Variants in CAST observed in about 807,000 individuals in gnomAD.
CAST encodes calpastatin, also known as MIR583 host.
CAST carries 76 observed loss-of-function variants against 119.6 expected under a neutral mutation model. The observed-to-expected ratio is 0.64, with a 90% confidence interval of 0.53 to 0.77. The LOEUF (loss-of-function observed/expected upper bound fraction) is 0.77. CAST is among the 30% of genes least tolerant of loss of function. The pLI, the probability that CAST is intolerant of heterozygous loss-of-function variation, is 0.00. For synonymous variants in CAST, 319 were observed against 331.6 expected (o/e 0.96, Z 0.41); for missense variants, 953 against 946.5 (o/e 1.01, Z -0.09).
At chr5:96,301,485 A>G in the CAST span, among the ~76,000 whole-genome samples, 1 of 152,116 alleles carries the variant, frequency 6.6e-6, no homozygotes, top group East Asian at 1.9e-4. Context: ...CCAAAAGTCC[A>G]AGTCCAAAGT....
chr5:96,729,538 G>C lies in CAST; in HGVS notation c.436-74G>C. 3 of 726,552 alleles carry C rather than the reference G, an allele frequency of 4.1e-6. No individual in the cohort carries two copies. In the South Asian group the frequency reaches 4.5e-5, roughly 11 times the overall value. 45.0% of individuals were successfully genotyped at this position (726,552 alleles called of 1,614,324 possible). A position where few individuals can be genotyped will look rare whatever the true frequency, so the allele number is the denominator to read the frequency against. On this transcript the variant is annotated intron_variant, in intron 7 of 31. Transcript: ENST00000675179. ...TTTTATTCTATAGAGAAAAGTATCA[G>C]TATTATGTTTAAGACTACCATCTTG...
intron 1 of CAST, among the ~76,000 whole-genome samples, chr5:96,603,876 G>A (rs1207757199): frequency 6.9e-6 from 1 of 145,710 alleles, no homozygotes; most frequent in Non-Finnish European, 1.5e-5. Flanking sequence ...CAATCCTTCC[G>A]TCTCAGCCTC....
chr5:96,482,957 T>C, the CAST span, among the ~76,000 whole-genome samples: 2 of 152,142 alleles, frequency 1.3e-5, no homozygotes, highest in African/African-American at 4.8e-5. Flanking sequence ...CCTTGGAAAA[T>C]ACATCAATCA....
chr5:96,262,071 G>T, the CAST span, among the ~76,000 whole-genome samples: 1 of 152,186 alleles, frequency 6.6e-6, no homozygotes, highest in Non-Finnish European at 1.5e-5. Context: ...TGATTCTAAA[G>T]CCTGCACTTG....
At chr5:96,134,175 A>G in the CAST span, among the ~76,000 whole-genome samples, 26 of 152,354 alleles carry the variant, frequency 1.7e-4, no homozygotes, top group South Asian at 5.4e-3. Context: ...AGGTTACCCC[A>G]AATGTGCTCA....
chr5:96,452,976 A>AAAAAG, the CAST span, among the ~76,000 whole-genome samples: 3 of 142,346 alleles, frequency 2.1e-5, no homozygotes, highest in African/African-American at 8.8e-5. Flanking sequence ...AAAAAAAAAA[A>AAAAAG]CAGAAGAAAG....
chr5:96,533,477 G>A (rs923412583), intron 1 of CAST, among the ~76,000 whole-genome samples: 6 of 152,096 alleles, frequency 3.9e-5, no homozygotes, highest in African/African-American at 1.4e-4. Context: ...TAAAATCAAA[G>A]CTATTTTATA....
chr5:96,674,783 A>C (rs1189875503), intron 1 of CAST, among the ~76,000 whole-genome samples: 1 of 152,206 alleles, frequency 6.6e-6, no homozygotes, highest in Non-Finnish European at 1.5e-5. Context: ...AATGTATTAT[A>C]TACTTCAAAA....
At chr5:96,343,859 C>T in the CAST span, among the ~76,000 whole-genome samples, 1 of 152,184 alleles carries the variant, frequency 6.6e-6, no homozygotes, top group Non-Finnish European at 1.5e-5. Context: ...TCCTGCTCTA[C>T]TGCACTATAT....
intron 10 of CAST, among the ~76,000 whole-genome samples, chr5:96,736,483 C>G (rs2150489006): frequency 6.6e-6 from 1 of 152,080 alleles, no homozygotes; most frequent in South Asian, 2.1e-4. Flanking sequence ...CAGTTTCATC[C>G]CATGGAGTTT....
chr5:96,064,992 C>G, the CAST span, among the ~76,000 whole-genome samples: 1 of 152,066 alleles, frequency 6.6e-6, no homozygotes, highest in African/African-American at 2.4e-5. Context: ...TTGGTAATGG[C>G]TATGTATTTG....
the CAST span, among the ~76,000 whole-genome samples, chr5:96,110,151 A>G: frequency 0.019 from 2,819 of 152,256 alleles, 38 homozygotes; most frequent in Middle Eastern, 0.068. Flanking sequence ...CCAAATAAAT[A>G]CTGTTCAAGA....
intron 2 of CAST, among the ~76,000 whole-genome samples, chr5:96,695,217 T>C (rs930594560): frequency 6.6e-6 from 1 of 152,226 alleles, no homozygotes; most frequent in Non-Finnish European, 1.5e-5. Context: ...TTGTTACTCA[T>C]GGTATTTAAA....
At chr5:96,643,867 A>T (rs155048) in intron 1 of CAST, among the ~76,000 whole-genome samples, 26 of 151,716 alleles carry the variant, frequency 1.7e-4, no homozygotes, top group African/African-American at 6.3e-4. Flanking sequence ...GCGAGACTTC[A>T]TCTCAAAAAA....
chr5:96,411,119 G>A, the CAST span: 1 of 758,408 alleles, frequency 1.3e-6, no homozygotes, highest in South Asian at 1.5e-5. Flanking sequence ...TTCAATTCCA[G>A]ATCTTTTGGC....
the CAST span, among the ~76,000 whole-genome samples, chr5:96,332,362 A>G: frequency 1.3e-5 from 2 of 151,650 alleles, no homozygotes; most frequent in East Asian, 3.9e-4. Flanking sequence ...GCTGTTGTGT[A>G]TCACCTTCAT....
intron 25 of CAST, among the ~76,000 whole-genome samples, chr5:96,764,718 G>A (rs541782429): frequency 8.8e-4 from 134 of 152,330 alleles, no homozygotes; most frequent in Non-Finnish European, 1.4e-3. Context: ...TAGAGTTTTA[G>A]AGAGGACCCA....
chr5:96,280,886 G>C, the CAST span, among the ~76,000 whole-genome samples: 8 of 151,678 alleles, frequency 5.3e-5, no homozygotes, highest in African/African-American at 1.9e-4. Flanking sequence ...AATCCTTTCA[G>C]TCCCTCCTGT....
At position 96,662,388 on chromosome 5, in the gene CAST, G is replaced by A; in HGVS notation, c.-35G>A. 2 of 1,347,456 alleles carry A rather than the reference G, an allele frequency of 1.5e-6. No individual in the cohort carries two copies. Among genetic ancestry groups the A allele is most frequent in the Non-Finnish European group, 9.5e-7 (1 of 1,050,908 alleles). The allele number at this position is 1,347,456 out of a possible 1,614,324, so 83.5% of individuals were successfully genotyped here. A position where few individuals can be genotyped will look rare whatever the true frequency, so the allele number is the denominator to read the frequency against. On this transcript the variant is annotated 5_prime_UTR_variant, in exon 1 of 32. Coordinates refer to ENST00000675179, the MANE Select transcript of CAST (RefSeq NM_001750.7). ...AGGCCTCCCCGCCACTCTCCGCGGC[G>A]CATTCCGGGAGGCAGCGGCCGCAGC...
Sources: allele counts gnomAD v4.1 joint callset (sites outside exome capture counted in the v4.1 genomes callset), GRCh38; gene constraint gnomAD v4.1.1; transcripts MANE v1.5; gene names NCBI Gene and HGNC (gene_info 2026-07-23, HGNC 2026-07-21).